Variants in ZNF331 observed in about 807,000 individuals in gnomAD.
ZNF331 encodes the protein C2H2-like zinc finger protein rearranged in thyroid adenomas.
In ZNF331, 2 loss-of-function variants were observed where a neutral mutation model predicts 7.0. That is an observed-to-expected ratio of 0.29 (90% confidence interval 0.12 to 0.90). The LOEUF (loss-of-function observed/expected upper bound fraction) is 0.90, where lower values mean the gene tolerates loss of function less well. Ranked by LOEUF, ZNF331 falls within the 40% of genes least tolerant of loss-of-function variation. The pLI is 0.58. For synonymous variants in ZNF331, 196 were observed against 205.4 expected, an observed-to-expected ratio of 0.95 and a Z score of 0.39; for missense variants, 432 against 587.7, an observed-to-expected ratio of 0.74 and a Z score of 2.74.
At chr19:53,509,522 CTGATA>C in the ZNF331 span, among the ~76,000 whole-genome samples, 2 of 152,164 alleles carry the variant, frequency 1.3e-5, no homozygotes, top group South Asian at 4.1e-4. Context: ...AAGCTTGTGT[CTGATA>C]CTACAAGTGT....
intron 3 of ZNF331, 129 bp from the exon 4 acceptor site, chr19:53,569,175 C>T: frequency 1.8e-6 from 1 of 570,010 alleles, no homozygotes; most frequent in Non-Finnish European, 3.2e-6. Flanking sequence ...ATACTCTTCA[C>T]CTTTCCCAGA....
the ZNF331 span, among the ~76,000 whole-genome samples, chr19:53,505,512 G>C: frequency 1.8e-4 from 28 of 152,266 alleles, no homozygotes; most frequent in South Asian, 1.2e-3. Context: ...AACACTTTTA[G>C]TCCTGTTGCA....
the ZNF331 span, among the ~76,000 whole-genome samples, chr19:53,504,522 G>A: frequency 4.6e-5 from 7 of 152,142 alleles, no homozygotes; most frequent in Non-Finnish European, 1.0e-4. Flanking sequence ...GTTTTCGGGA[G>A]GAAGACACTG....
chr19:53,529,714 A>C (rs765309749), intron 2 of ZNF331, among the ~76,000 whole-genome samples: 23 of 152,200 alleles, frequency 1.5e-4, no homozygotes, highest in Non-Finnish European at 3.1e-4. Context: ...AGACTTGTTA[A>C]GTGTCTGCAG....
chr19:53,540,070 G>A (rs2088032492), intron 2 of ZNF331, among the ~76,000 whole-genome samples: 1 of 152,180 alleles, frequency 6.6e-6, no homozygotes, highest in African/African-American at 2.4e-5. Context: ...TGACATTTTA[G>A]TATATTATTT....
intron 3 of ZNF331, among the ~76,000 whole-genome samples, chr19:53,562,712 G>C (rs966713468): frequency 6.6e-6 from 1 of 150,850 alleles, no homozygotes; most frequent in Non-Finnish European, 1.5e-5. Flanking sequence ...AAAAAACTCC[G>C]GGCACTGTGG....
At chr19:53,523,881 A>T (rs2087187738) in intron 2 of ZNF331, among the ~76,000 whole-genome samples, 1 of 151,628 alleles carries the variant, frequency 6.6e-6, no homozygotes, top group Admixed American at 6.6e-5. Flanking sequence ...CGTCATTTGC[A>T]TTAGGTATTT....
chr19:53,577,725 G>A lies in ZNF331; in HGVS notation c.1165G>A (p.Gly389Arg), dbSNP rs778574060. Residue 389 changes from glycine to arginine, a missense_variant, in exon 6 of 6, where the codon GGG becomes AGG. Physicochemically the swap from Gly to Arg is moderately radical, Grantham distance 125. Around this residue, in one of 3 missense-constraint regions of ZNF331, gnomAD observed 312 missense variants for 448.6 expected, o/e 0.70. Transcript: ENST00000449416. ...GETPYKCKEC[G>R]KAFIYGSSLV... is the part of the protein sequence containing the mutation. ...AACCCCGTATAAATGTAAGGAGTGT[G>A]GGAAGGCTTTCATTTATGGATCGAG... The A allele has an allele frequency of 6.2e-7, 1 of 1,614,018 alleles. No homozygotes were observed. Among genetic ancestry groups the A allele is most frequent in the Admixed American group, 1.7e-5 (1 of 60,026 alleles).
intron 2 of ZNF331, among the ~76,000 whole-genome samples, chr19:53,543,131 AAAG>A (rs1421202998): frequency 6.6e-6 from 1 of 151,874 alleles, no homozygotes; most frequent in African/African-American, 2.4e-5. Flanking sequence ...ATTAGAAAAA[AAAG>A]GAGGGGGCCA....
chr19:53,518,146 G>T (rs2147211635), upstream of ZNF331, among the ~76,000 whole-genome samples: 1 of 152,348 alleles, frequency 6.6e-6, no homozygotes, highest in Non-Finnish European at 1.5e-5. Flanking sequence ...AACACAGAAG[G>T]CAGAAGAAGG....
At chr19:53,544,394 A>C (rs2088435168) in intron 2 of ZNF331, among the ~76,000 whole-genome samples, 1 of 147,832 alleles carries the variant, frequency 6.8e-6, no homozygotes, top group African/African-American at 2.5e-5. Flanking sequence ...AAATACAAAA[A>C]ATTAGCCGGG....
At chr19:53,544,114 C>T (rs1175816519) in intron 2 of ZNF331, among the ~76,000 whole-genome samples, 42 of 151,616 alleles carry the variant, frequency 2.8e-4, no homozygotes, top group Non-Finnish European at 4.7e-4. Flanking sequence ...GTAGTCCCAG[C>T]TACTCGGGAG....
At chr19:53,505,257 G>T in the ZNF331 span, among the ~76,000 whole-genome samples, 1 of 151,920 alleles carries the variant, frequency 6.6e-6, no homozygotes, top group Non-Finnish European at 1.5e-5. Flanking sequence ...TTGGGAGGAA[G>T]ACATTGAAAC....
At chr19:53,559,025 TAGAG>T (rs1329579222) in intron 3 of ZNF331, among the ~76,000 whole-genome samples, 2 of 149,720 alleles carry the variant, frequency 1.3e-5, no homozygotes, top group Non-Finnish European at 3.0e-5. Context: ...TACCTACATA[TAGAG>T]ACACATATAT....
Position 53,577,877 on chromosome 19 carries a change from C to T in ZNF331, c.1317C>T (p.Tyr439=), listed in dbSNP as rs144369706. The T allele has an allele frequency of 5.8e-4, 941 of 1,613,758 alleles. 7 individuals carry two copies. The African/African-American group carries it at 0.01, about 18-fold the overall frequency. The stretch of plus-strand genomic sequence containing the variant: ...AAACGCACAGTGGGGCGAAATCCTA[C>T]GAATGTAAGGAGTGCGGGAAGGCAT... ...HQKTHSGAKS[Y]ECKECGKACN... is the part of the protein sequence containing the mutation. The change falls in exon 6 of 6, where the codon TAC becomes TAT. Residue 439 remains tyrosine, a synonymous_variant. Coordinates refer to ENST00000449416, the MANE Select transcript of ZNF331 (RefSeq NM_001079906.2).
the ZNF331 span, chr19:53,503,250 C>A: frequency 3.3e-6 from 1 of 301,048 alleles, no homozygotes. Flanking sequence ...CTCGCTGCAG[C>A]CTCAATCTCC....
intron 2 of ZNF331, chr19:53,554,396 G>C (rs1207737441): frequency 6.6e-6 from 1 of 152,180 alleles, no homozygotes; most frequent in African/African-American, 2.4e-5. Context: ...GGGTGTACAT[G>C]CGTGTCAGGA....
the ZNF331 span, among the ~76,000 whole-genome samples, chr19:53,514,392 G>T: frequency 6.6e-6 from 1 of 151,544 alleles, no homozygotes; most frequent in African/African-American, 2.4e-5. Context: ...GTAGAGACGG[G>T]GTTTCACCAT....
upstream of ZNF331, chr19:53,538,037 T>G (rs1418723009): frequency 6.6e-6 from 1 of 152,378 alleles, no homozygotes; most frequent in East Asian, 1.9e-4. Flanking sequence ...TGTAGGGGTC[T>G]GTGTGCACAT....
Sources: gnomAD v4.1 joint callset for allele counts (sites outside exome capture counted in the v4.1 genomes callset) on GRCh38, gnomAD v4.1.1 for gene constraint, gnomAD v4.1.1 regional missense constraint, MANE v1.5 for transcripts, NCBI Gene and HGNC (gene_info 2026-07-23, HGNC 2026-07-21) for gene names.